The following NPAS3 variants were observed in gnomAD, a reference collection of about 807,000 sequenced individuals.
NPAS3 encodes neuronal PAS domain-containing protein 3.
Under a neutral mutation model 73.1 loss-of-function variants are expected in NPAS3, and 14 were observed. The ratio of observed to expected loss-of-function variants is 0.19; its 90% CI spans 0.13 to 0.30. The LOEUF is 0.30. NPAS3 is among the 10% of genes least tolerant of loss of function. The pLI, the probability that NPAS3 is intolerant of heterozygous loss-of-function variation, is 1.00. For synonymous variants in NPAS3, 620 were observed against 541.5 expected (o/e 1.14, Z -2.01); for missense variants, 1,096 against 1,250.0 (o/e 0.88, Z 1.86).
intron 1 of NPAS3, among the ~76,000 whole-genome samples, chr14:32,940,215 A>G (rs1430391975): frequency 1.3e-5 from 2 of 152,258 alleles, no homozygotes; most frequent in East Asian, 3.8e-4. Context: ...AGAATTGCAT[A>G]TCCAAGCAAG....
chr14:33,457,750 TG>T (rs942870076), intron 4 of NPAS3, among the ~76,000 whole-genome samples: 1 of 152,110 alleles, frequency 6.6e-6, no homozygotes, highest in African/African-American at 2.4e-5. Flanking sequence ...CCTTAGCGTG[TG>T]TAAGTCTGGC....
intron 10 of NPAS3, among the ~76,000 whole-genome samples, chr14:33,796,079 A>G (rs1194172663): frequency 6.6e-6 from 1 of 152,174 alleles, no homozygotes; most frequent in African/African-American, 2.4e-5. Context: ...TCACCTCTAT[A>G]GGGTAAAGAT....
intron 5 of NPAS3, among the ~76,000 whole-genome samples, chr14:33,630,756 T>C (rs2058355562): frequency 6.6e-6 from 1 of 152,174 alleles, no homozygotes; most frequent in South Asian, 2.1e-4. Context: ...AGGGAGGGCT[T>C]GCTGTGACGT....
At chr14:33,563,802 A>G (rs1271478022) in intron 5 of NPAS3, among the ~76,000 whole-genome samples, 2 of 152,162 alleles carry the variant, frequency 1.3e-5, no homozygotes, top group Non-Finnish European at 1.5e-5. Flanking sequence ...CTTTCTAGCT[A>G]TAATGGAACA....
intron 4 of NPAS3, among the ~76,000 whole-genome samples, chr14:33,383,076 A>G (rs1180210428): frequency 1.0e-4 from 15 of 150,354 alleles, no homozygotes; most frequent in Admixed American, 7.3e-4. Flanking sequence ...GACAGAGCAA[A>G]AGACCCTGTC....
At chr14:33,379,977 CGTGTGTGTGTGTGTGT>C (rs34208750) in intron 4 of NPAS3, among the ~76,000 whole-genome samples, 2 of 144,336 alleles carry the variant, frequency 1.4e-5, no homozygotes, top group African/African-American at 2.6e-5. Context: ...AGTTATCCCT[CGTGTGTGTGTGTGTGT>C]GTGTGTGTGT....
chr14:33,385,630 C>T (rs1342416606), intron 4 of NPAS3, among the ~76,000 whole-genome samples: 1 of 152,114 alleles, frequency 6.6e-6, no homozygotes, highest in Non-Finnish European at 1.5e-5. Flanking sequence ...CCAGTGAGCA[C>T]ATCAGGGTGG....
intron 3 of NPAS3, among the ~76,000 whole-genome samples, chr14:33,323,284 T>G (rs977716989): frequency 3.9e-5 from 6 of 152,198 alleles, no homozygotes; most frequent in African/African-American, 1.4e-4. Flanking sequence ...GAGTGTTCAG[T>G]AATGTTGTGG....
chr14:33,011,751 T>C (rs1224424678), intron 1 of NPAS3, among the ~76,000 whole-genome samples: 1 of 152,192 alleles, frequency 6.6e-6, no homozygotes, highest in Non-Finnish European at 1.5e-5. Context: ...ATATGCTTTT[T>C]CCTTCCCTTC....
chr14:33,426,264 G>A (rs2048550957), intron 4 of NPAS3, among the ~76,000 whole-genome samples: 1 of 152,120 alleles, frequency 6.6e-6, no homozygotes, highest in African/African-American at 2.4e-5. Flanking sequence ...GAAGCAGATA[G>A]GCTGCTAGGA....
chr14:33,102,389 G>A (rs372068179), intron 2 of NPAS3, among the ~76,000 whole-genome samples: 3 of 152,236 alleles, frequency 2.0e-5, no homozygotes, highest in East Asian at 3.9e-4. Context: ...TTCAAATCAT[G>A]GCTCTTTTGT....
intron 3 of NPAS3, among the ~76,000 whole-genome samples, chr14:33,309,352 A>G (rs1338456041): frequency 1.3e-5 from 2 of 152,148 alleles, no homozygotes; most frequent in African/African-American, 4.8e-5. Context: ...ACAAGCATTG[A>G]ATATGTCAGA....
At chr14:33,204,068 C>A (rs1301294823) in intron 2 of NPAS3, among the ~76,000 whole-genome samples, 3 of 152,078 alleles carry the variant, frequency 2.0e-5, no homozygotes, top group Non-Finnish European at 4.4e-5. Flanking sequence ...TCTCTGATGG[C>A]CGGTGATGAT....
chr14:33,322,827 T>C (rs561757238), intron 3 of NPAS3, among the ~76,000 whole-genome samples: 1 of 152,312 alleles, frequency 6.6e-6, no homozygotes, highest in East Asian at 1.9e-4. Context: ...TAGGACATCC[T>C]TCCCCTTAGG....
intron 4 of NPAS3, among the ~76,000 whole-genome samples, chr14:33,539,566 A>G (rs2054413511): frequency 6.6e-6 from 1 of 152,092 alleles, no homozygotes; most frequent in South Asian, 2.1e-4. Context: ...AGGAAGTTTC[A>G]TGTTGCTGTT....
chr14:33,039,558 A>G (rs534757578), intron 1 of NPAS3, among the ~76,000 whole-genome samples: 16 of 152,158 alleles, frequency 1.1e-4, no homozygotes, highest in Non-Finnish European at 2.1e-4. Context: ...TCGATACACT[A>G]TCTTTCCTCC....
intron 4 of NPAS3, among the ~76,000 whole-genome samples, chr14:33,413,680 C>T (rs559876851): frequency 3.3e-5 from 5 of 152,240 alleles, no homozygotes; most frequent in East Asian, 1.9e-4. Context: ...AAATTTTCCA[C>T]GGTCAGGGAT....
chr14:33,737,070 A>C (rs910349702), intron 7 of NPAS3, among the ~76,000 whole-genome samples: 5 of 152,190 alleles, frequency 3.3e-5, no homozygotes, highest in Admixed American at 1.3e-4. Context: ...TAGCATTCTC[A>C]ATGTCACACG....
chr14:32,979,360 GTTAC>G (rs536063899), intron 1 of NPAS3, among the ~76,000 whole-genome samples: 214 of 152,270 alleles, frequency 1.4e-3, no homozygotes, highest in African/African-American at 5.0e-3. Context: ...AGAATTTACA[GTTAC>G]TTAGTGTGTA....
Sources: allele counts gnomAD v4.1 joint callset (sites outside exome capture counted in the v4.1 genomes callset), GRCh38; gene constraint gnomAD v4.1.1; transcripts MANE v1.5; gene names NCBI Gene and HGNC (gene_info 2026-07-23, HGNC 2026-07-21).